PELI2: variants seen among roughly 807,000 people sequenced by gnomAD.
The protein encoded by PELI2 is pellino E3 ubiquitin protein ligase family member 2.
In PELI2, 23 loss-of-function variants were observed where a neutral mutation model predicts 42.3. The observed-to-expected ratio is 0.54, with a 90% CI of 0.39 to 0.77. The LOEUF (loss-of-function observed/expected upper bound fraction) is 0.77. PELI2 is among the 30% of genes least tolerant of loss of function. The pLI is 0.00. For missense variants in PELI2, 463 were observed against 553.2 expected (o/e 0.84, Z 1.64); for synonymous variants, 245 against 212.2 (o/e 1.15, Z -1.34).
chr14:56,233,183 G>A lies in PELI2; in HGVS notation c.208-46493G>A, dbSNP rs560379166. Among the ~76,000 whole-genome samples the A allele has an allele frequency of 2.6e-5, 4 of 152,256 alleles. No individual in the cohort carries two copies. In the South Asian group the frequency reaches 8.3e-4, roughly 32 times the overall value. ...TCGTGAAATGGCCATACTGCCCAAGGTAATTTATAGATTCAATGCCATCCC... is the reference window on the plus strand; with the variant it reads ...TCGTGAAATGGCCATACTGCCCAAGATAATTTATAGATTCAATGCCATCCC... On this transcript the variant is annotated intron_variant, in intron 2 of 5. Coordinates refer to ENST00000267460, the MANE Select transcript of PELI2 (RefSeq NM_021255.3).
At chr14:56,286,912 C>G (rs1004588481) in intron 3 of PELI2, among the ~76,000 whole-genome samples, 1 of 152,158 alleles carries the variant, frequency 6.6e-6, no homozygotes, top group Non-Finnish European at 1.5e-5. Context: ...ATCATTGATC[C>G]TAGCAGGCTG....
intron 2 of PELI2, among the ~76,000 whole-genome samples, 159 bp from the exon 3 acceptor site, chr14:56,279,517 G>T (rs1356751315): frequency 6.6e-6 from 1 of 152,178 alleles, no homozygotes; most frequent in African/African-American, 2.4e-5. Flanking sequence ...TGGCTTGTCT[G>T]TGATTGACGG....
chr14:56,291,596 T>C (rs992287783), intron 5 of PELI2, among the ~76,000 whole-genome samples: 1 of 152,236 alleles, frequency 6.6e-6, no homozygotes, highest in African/African-American at 2.4e-5. Context: ...GAAAGCAGTT[T>C]TTCTAAATAA....
At chr14:56,193,949 T>G (rs1297274724) in intron 2 of PELI2, among the ~76,000 whole-genome samples, 2 of 152,174 alleles carry the variant, frequency 1.3e-5, no homozygotes, top group African/African-American at 4.8e-5. Flanking sequence ...TTACAGGACC[T>G]TTCTAGGATT....
At chr14:56,287,581 A>G (rs570155525) in intron 3 of PELI2, among the ~76,000 whole-genome samples, 1 of 152,210 alleles carries the variant, frequency 6.6e-6, no homozygotes, top group South Asian at 2.1e-4. Context: ...CATCTGTTCA[A>G]ATTGTTAAGT....
rs1053862516 is a variant in PELI2 at position 56,197,097 on chromosome 14, T to A, written c.207+18633T>A. On this transcript the variant is annotated intron_variant, in intron 2 of 5. Coordinates refer to ENST00000267460, the MANE Select transcript of PELI2 (RefSeq NM_021255.3). The surrounding 1 kb of genome is among the most constrained non-coding windows in gnomAD (Gnocchi z 4.9). Reference sequence around the variant, plus strand: ...ATCTGCTGTGTGCCAGGCCCTGGGCTCTGCATGGGATGAGTTAAGACAAAC... The same window carrying A: ...ATCTGCTGTGTGCCAGGCCCTGGGCACTGCATGGGATGAGTTAAGACAAAC... Among the ~76,000 whole-genome samples the A allele has an allele frequency of 5.3e-5, 8 of 152,330 alleles. No individual in the cohort carries two copies. Among genetic ancestry groups the A allele is most frequent in the African/African-American group, 1.9e-4 (8 of 41,558 alleles).
chr14:56,245,791 T>C (rs756581007), intron 2 of PELI2, among the ~76,000 whole-genome samples: 24 of 152,242 alleles, frequency 1.6e-4, no homozygotes, highest in Middle Eastern at 3.2e-3. Flanking sequence ...TTTTGTATTG[T>C]ATATCAATAA....
At chr14:56,243,190 A>G (rs1435121870) in intron 2 of PELI2, among the ~76,000 whole-genome samples, 1 of 152,244 alleles carries the variant, frequency 6.6e-6, no homozygotes, top group Admixed American at 6.5e-5. Context: ...TTGGTAGGTC[A>G]TGTAACACAG....
chr14:56,244,304 A>G (rs1051642900), intron 2 of PELI2, among the ~76,000 whole-genome samples: 5 of 152,240 alleles, frequency 3.3e-5, no homozygotes, highest in African/African-American at 9.6e-5. Context: ...CTGCTGTTGC[A>G]TGTGACGTAA....
At chr14:56,272,351 G>A (rs1023105747) in intron 2 of PELI2, among the ~76,000 whole-genome samples, 2 of 152,200 alleles carry the variant, frequency 1.3e-5, no homozygotes, top group African/African-American at 4.8e-5. Context: ...ACATGTATGT[G>A]CGTGCATGCA....
At chr14:56,148,024 T>C (rs142129383) in intron 1 of PELI2, among the ~76,000 whole-genome samples, 1 of 152,326 alleles carries the variant, frequency 6.6e-6, no homozygotes, top group Admixed American at 6.5e-5. Flanking sequence ...GGTCATAATG[T>C]AAAGTTCAGC....
At position 56,161,658 on chromosome 14, in the gene PELI2, C is replaced by T. The variant is rs530294493; in HGVS notation, c.78-16677C>T. 9.2e-5 allele frequency among the ~76,000 whole-genome samples: 14 copies of T among 152,248 alleles called. No homozygotes were observed. The South Asian group carries it at 2.7e-3, about 29-fold the overall frequency. On this transcript the variant is annotated intron_variant, in intron 1 of 5. Transcript: ENST00000267460. ...AGGGTGTCTTTTTGTTTCCTAAGCC[C>T]CTTAACATCCAGCCCTGGGACTAAC...
intron 2 of PELI2, among the ~76,000 whole-genome samples, chr14:56,262,933 C>G (rs540903857): frequency 6.6e-6 from 1 of 151,860 alleles, no homozygotes; most frequent in South Asian, 2.1e-4. Context: ...TTTTTAGTGA[C>G]CTGTTTTATC....
chr14:56,249,706 A>G (rs1216677275), intron 2 of PELI2, among the ~76,000 whole-genome samples: 3 of 152,172 alleles, frequency 2.0e-5, no homozygotes, highest in African/African-American at 7.2e-5. Flanking sequence ...TGGGGCAGCA[A>G]GTGGCTGACA....
intron 2 of PELI2, among the ~76,000 whole-genome samples, chr14:56,235,355 A>G (rs913886928): frequency 6.6e-6 from 1 of 152,220 alleles, no homozygotes; most frequent in Non-Finnish European, 1.5e-5. Flanking sequence ...ACTTCCAGAG[A>G]AATCTTTGAA....
chr14:56,272,704 T>A (rs1183011360), intron 2 of PELI2, among the ~76,000 whole-genome samples: 2 of 152,240 alleles, frequency 1.3e-5, no homozygotes, highest in South Asian at 4.1e-4. Flanking sequence ...TCTTCACATC[T>A]CAGTCTTCTA....
intron 1 of PELI2, among the ~76,000 whole-genome samples, chr14:56,169,841 A>G (rs1885102498): frequency 6.6e-6 from 1 of 152,210 alleles, no homozygotes; most frequent in Non-Finnish European, 1.5e-5. Context: ...TGGGCTTTAT[A>G]GTCCATTGGG....
intron 2 of PELI2, among the ~76,000 whole-genome samples, chr14:56,262,817 C>CTT (rs10691945): frequency 0.77 from 117,449 of 151,930 alleles, 45,956 homozygotes; most frequent in African/African-American, 0.89. Flanking sequence ...ATATCCCTGA[C>CTT]TTTTGATCAT....
chr14:56,212,356 C>CT (rs1302671165), intron 2 of PELI2, among the ~76,000 whole-genome samples: 1 of 152,222 alleles, frequency 6.6e-6, no homozygotes, highest in African/African-American at 2.4e-5. Flanking sequence ...CCCCTGAACT[C>CT]TCCTGCCAGG....
Sources: gnomAD v4.1 joint callset for allele counts (sites outside exome capture counted in the v4.1 genomes callset) on GRCh38, gnomAD v4.1.1 for gene constraint, Gnocchi (gnomAD v3.1) non-coding constraint, MANE v1.5 for transcripts, NCBI Gene and HGNC (gene_info 2026-07-23, HGNC 2026-07-21) for gene names.